Variants in RBFOX1 observed in about 807,000 individuals in gnomAD.
The protein encoded by RBFOX1 is RNA binding protein fox-1 homolog 1.
In RBFOX1, 8 loss-of-function variants were observed where a neutral mutation model predicts 57.7. The ratio of observed to expected loss-of-function variants is 0.14; its 90% CI spans 0.08 to 0.25. RBFOX1 has a LOEUF of 0.25. RBFOX1 is among the 10% of genes least tolerant of loss of function. The pLI, the probability that RBFOX1 is intolerant of heterozygous loss-of-function variation, is 1.00. For synonymous variants in RBFOX1, 326 were observed against 222.4 expected (o/e 1.47, Z -4.15); for missense variants, 611 against 548.5 (o/e 1.11, Z -1.14).
Position 7,322,395 on chromosome 16 carries a change from C to T in RBFOX1, c.28-195752C>T, listed in dbSNP as rs892199484. Among the ~76,000 whole-genome samples, 5 of 152,348 alleles carry T rather than the reference C, an allele frequency of 3.3e-5. 1 individual carries two copies. Among genetic ancestry groups the T allele is most frequent in the South Asian group, 4.1e-4 (2 of 4,826 alleles). ...GTCAAAGTCACAGTGCTAGTAAACACGTCAACGTGATTTCACGTGAAAACA... is the reference window on the plus strand; with the variant it reads ...GTCAAAGTCACAGTGCTAGTAAACATGTCAACGTGATTTCACGTGAAAACA... On this transcript the variant is annotated intron_variant, in intron 4 of 15. Transcript: ENST00000550418.
chr16:6,821,374 T>C (rs2091268534), intron 3 of RBFOX1, among the ~76,000 whole-genome samples: 1 of 152,246 alleles, frequency 6.6e-6, no homozygotes, highest in African/African-American at 2.4e-5. Flanking sequence ...TGATACTGTT[T>C]TATTTTAAAA....
At chr16:7,558,384 GCA>G (rs2089365794) in intron 5 of RBFOX1, among the ~76,000 whole-genome samples, 1 of 151,272 alleles carries the variant, frequency 6.6e-6, no homozygotes, top group Non-Finnish European at 1.5e-5. Flanking sequence ...ATATACACGC[GCA>G]CACACTCACA....
intron 1 of RBFOX1, among the ~76,000 whole-genome samples, chr16:6,098,565 C>T (rs2096270909): frequency 6.6e-6 from 1 of 152,214 alleles, no homozygotes; most frequent in Non-Finnish European, 1.5e-5. Flanking sequence ...AAGCATTAGT[C>T]CTGCAGAAAC....
At chr16:6,567,896 C>T (rs1379152525) in intron 2 of RBFOX1, among the ~76,000 whole-genome samples, 1 of 152,140 alleles carries the variant, frequency 6.6e-6, no homozygotes, top group African/African-American at 2.4e-5. Context: ...TTACAGTTTG[C>T]TGGAGCCTTG....
intron 3 of RBFOX1, among the ~76,000 whole-genome samples, chr16:6,995,442 C>G (rs1372689966): frequency 1.3e-5 from 2 of 151,850 alleles, no homozygotes; most frequent in Non-Finnish European, 2.9e-5. Context: ...AATTCCCAAG[C>G]AAATAATCTT....
chr16:6,115,434 AT>A (rs2096487712), intron 1 of RBFOX1, among the ~76,000 whole-genome samples: 1 of 78,486 alleles, frequency 1.3e-5, no homozygotes, highest in Non-Finnish European at 2.0e-5. Context: ...TTGAAGCCAT[AT>A]GCAGTAGTGA....
chr16:5,618,313 C>T (rs1265807072), intron 3 of RBFOX1, among the ~76,000 whole-genome samples: 1 of 147,792 alleles, frequency 6.8e-6, no homozygotes, highest in Admixed American at 7.0e-5. Flanking sequence ...CAATCATATA[C>T]AGGAGATGGC....
chr16:7,695,174 C>T (rs530054068), intron 14 of RBFOX1, among the ~76,000 whole-genome samples: 113 of 152,174 alleles, frequency 7.4e-4, no homozygotes, highest in Non-Finnish European at 1.5e-3. Context: ...CTTTGATGGC[C>T]ATTTTAATAT....
At chr16:6,286,356 G>T (rs1330159595) in intron 1 of RBFOX1, among the ~76,000 whole-genome samples, 1 of 141,598 alleles carries the variant, frequency 7.1e-6, no homozygotes, top group Non-Finnish European at 1.5e-5. Context: ...TGACTCAGAT[G>T]TGTGAGAACT....
chr16:5,258,867 G>A (rs1326257648), intron 1 of RBFOX1, among the ~76,000 whole-genome samples: 2 of 151,990 alleles, frequency 1.3e-5, no homozygotes, highest in Middle Eastern at 3.4e-3. Context: ...AGTGAGCTAA[G>A]ATTGCACCAC....
intron 3 of RBFOX1, among the ~76,000 whole-genome samples, chr16:6,828,522 T>TAA (rs781606124): frequency 1.4e-5 from 2 of 143,236 alleles, no homozygotes; most frequent in Non-Finnish European, 1.5e-5. Flanking sequence ...GACGTGTCTT[T>TAA]AAAAAAAAAA....
At chr16:5,991,645 G>GTT (rs60004233) in intron 4 of RBFOX1, among the ~76,000 whole-genome samples, 11 of 123,928 alleles carry the variant, frequency 8.9e-5, no homozygotes, top group Non-Finnish European at 1.4e-4. Context: ...TTATTAGATA[G>GTT]TTTTTTTTTT....
intron 7 of RBFOX1, among the ~76,000 whole-genome samples, chr16:7,592,749 A>G (rs2094507994): frequency 6.6e-6 from 1 of 152,210 alleles, no homozygotes; most frequent in South Asian, 2.1e-4. Context: ...TGTAAGCTCC[A>G]AGTAACTGAG....
chr16:5,515,671 T>C lies in RBFOX1; in HGVS notation c.258+48417T>C, dbSNP rs547563559. Among the ~76,000 whole-genome samples the C allele has an allele frequency of 3.3e-5, 5 of 152,364 alleles. No homozygotes were observed. In the South Asian group the frequency reaches 8.3e-4, roughly 25 times the overall value. Reference sequence around the variant, plus strand: ...TATAAATTAGATTAATCTAAGGTTATTCTCATTAAAAACCAATATCCAATA... The same window carrying C: ...TATAAATTAGATTAATCTAAGGTTACTCTCATTAAAAACCAATATCCAATA... On this transcript the variant is annotated intron_variant, in intron 2 of 2. Transcript: ENST00000585867.
intron 4 of RBFOX1, among the ~76,000 whole-genome samples, chr16:7,132,485 C>T (rs942291442): frequency 7.0e-6 from 1 of 142,424 alleles, no homozygotes; most frequent in Non-Finnish European, 1.5e-5. Context: ...CACACACAGT[C>T]ACTTTATCTT....
At chr16:6,423,567 C>G (rs981249485) in intron 2 of RBFOX1, among the ~76,000 whole-genome samples, 2 of 152,118 alleles carry the variant, frequency 1.3e-5, no homozygotes, top group Admixed American at 6.5e-5. Flanking sequence ...CCAGTGCACT[C>G]CAGCCTGGCT....
intron 3 of RBFOX1, among the ~76,000 whole-genome samples, chr16:5,702,111 C>T (rs1489786784): frequency 6.6e-6 from 1 of 152,096 alleles, no homozygotes; most frequent in East Asian, 1.9e-4. Context: ...TGTATTTATC[C>T]CATTCTCACA....
At chr16:7,614,537 T>C (rs1199746682) in intron 10 of RBFOX1, 1 of 152,170 alleles carries the variant, frequency 6.6e-6, no homozygotes, top group Non-Finnish European at 1.5e-5. Flanking sequence ...TTGAAGTAAA[T>C]TGGTTCTTTT....
At chr16:6,790,411 C>T (rs1342354400) in intron 3 of RBFOX1, among the ~76,000 whole-genome samples, 1 of 152,044 alleles carries the variant, frequency 6.6e-6, no homozygotes, top group Non-Finnish European at 1.5e-5. Flanking sequence ...TCTTGAACTC[C>T]TGACCTCAGG....
Sources: gnomAD v4.1 joint callset for allele counts (sites outside exome capture counted in the v4.1 genomes callset) on GRCh38, gnomAD v4.1.1 for gene constraint, MANE v1.5 for transcripts, NCBI Gene and HGNC (gene_info 2026-07-23, HGNC 2026-07-21) for gene names.